Variants in KPNA3 observed in about 807,000 individuals in gnomAD.
The protein encoded by KPNA3 is karyopherin subunit alpha 3, also known as importin subunit alpha-4.
A neutral mutation model predicts 73.8 loss-of-function variants in KPNA3; 13 were observed. The observed-to-expected ratio is 0.18, with a 90% CI of 0.11 to 0.28. KPNA3 has a LOEUF of 0.28. Ranked by LOEUF, KPNA3 falls within the 10% of genes least tolerant of loss-of-function variation. The pLI is 1.00. For missense variants in KPNA3, 360 were observed against 618.1 expected, an observed-to-expected ratio of 0.58 and a Z score of 4.43; for synonymous variants, 186 against 206.9, an observed-to-expected ratio of 0.90 and a Z score of 0.87.
chr13:49,780,310 TC>T (rs1401704428), intron 1 of KPNA3, among the ~76,000 whole-genome samples: 4 of 152,112 alleles, frequency 2.6e-5, no homozygotes. Context: ...AGAATGGCCC[TC>T]AAAGCCCTAA....
chr13:49,779,125 T>C (rs888994315), intron 1 of KPNA3, among the ~76,000 whole-genome samples: 1 of 152,076 alleles, frequency 6.6e-6, no homozygotes, highest in Non-Finnish European at 1.5e-5. Flanking sequence ...TTCAACTGAA[T>C]GACTTCCACA....
At chr13:49,704,417 AAAAAATAAATAAAT>A (rs1392353262) in intron 15 of KPNA3, among the ~76,000 whole-genome samples, 22 of 132,926 alleles carry the variant, frequency 1.7e-4, no homozygotes, top group East Asian at 7.1e-4. Flanking sequence ...TGTCTCAAAA[AAAAAATAAATAAAT>A]AAAAAATAAA....
chr13:49,764,804 C>G (rs1306230794), intron 1 of KPNA3, among the ~76,000 whole-genome samples: 1 of 151,212 alleles, frequency 6.6e-6, no homozygotes, highest in East Asian at 1.9e-4. Flanking sequence ...TTAACTAGTT[C>G]CTGTTCTCTT....
intron 10 of KPNA3, among the ~76,000 whole-genome samples, chr13:49,714,129 C>T (rs1013843096): frequency 6.6e-5 from 10 of 151,974 alleles, no homozygotes; most frequent in Admixed American, 6.6e-4. Context: ...TTTGTCTGAA[C>T]CCATAGAATG....
At chr13:49,731,290 T>C (rs1459971481) in intron 6 of KPNA3, among the ~76,000 whole-genome samples, 1 of 129,214 alleles carries the variant, frequency 7.7e-6, no homozygotes, top group East Asian at 2.8e-4. Flanking sequence ...GATGTTACCA[T>C]GTTGCCCAGG....
intron 7 of KPNA3, among the ~76,000 whole-genome samples, chr13:49,722,922 G>A (rs1052564507): frequency 2.7e-5 from 4 of 149,754 alleles, no homozygotes; most frequent in Non-Finnish European, 4.4e-5. Context: ...TTCCTGATAC[G>A]GGGATTAACC....
chr13:49,742,167 T>G (rs940960211), intron 2 of KPNA3, among the ~76,000 whole-genome samples: 2 of 152,242 alleles, frequency 1.3e-5, no homozygotes, highest in African/African-American at 4.8e-5. Flanking sequence ...CTGTGGCATG[T>G]TCTTGGCACC....
Position 49,762,116 on chromosome 13 carries a change from G to A in KPNA3, c.70-15123C>T, listed in dbSNP as rs189791703. ...CCATCCGGGAGGGAGGTGGGGGGCA[G>A]CCCCCGCCCGGCCAGCCTCCCCGTC... On this transcript the variant is annotated intron_variant, in intron 1 of 16. Transcript: ENST00000261667. Among the ~76,000 whole-genome samples, 20 of 114,978 alleles carry A rather than the reference G, an allele frequency of 1.7e-4. No individual in the cohort carries two copies. In the South Asian group the frequency reaches 5.9e-3, roughly 34 times the overall value. The allele number at this position is 114,978 out of a possible 152,430, so 75.4% of individuals were successfully genotyped here. A position where few individuals can be genotyped will look rare whatever the true frequency, so the allele number is the denominator to read the frequency against.
chr13:49,747,414 G>T (rs1222825497), intron 1 of KPNA3, among the ~76,000 whole-genome samples: 1 of 152,078 alleles, frequency 6.6e-6, no homozygotes, highest in Non-Finnish European at 1.5e-5. Context: ...ATATTGGCTG[G>T]GTGCAGTGGC....
At chr13:49,786,910 G>C (rs1000925048) in intron 1 of KPNA3, among the ~76,000 whole-genome samples, 2 of 152,196 alleles carry the variant, frequency 1.3e-5, no homozygotes, top group Admixed American at 6.5e-5. Flanking sequence ...AGAAGAGCTA[G>C]GTACACTATT....
chr13:49,767,800 A>T (rs536799649), intron 1 of KPNA3, among the ~76,000 whole-genome samples: 18 of 152,224 alleles, frequency 1.2e-4, no homozygotes, highest in Non-Finnish European at 2.5e-4. Context: ...AGTACCTTCC[A>T]TAACAAGTCC....
At chr13:49,719,853 G>C (rs1566337330) in intron 9 of KPNA3, 34 bp from the exon 10 acceptor site, 1 of 1,368,592 alleles carries the variant, frequency 7.3e-7, no homozygotes. Context: ...CTTAACATTA[G>C]TTAATTAATA....
chr13:49,717,629 C>T (rs1406157984), intron 10 of KPNA3, among the ~76,000 whole-genome samples: 2 of 152,040 alleles, frequency 1.3e-5, no homozygotes, highest in African/African-American at 4.8e-5. Context: ...TGACATGAGA[C>T]AAATTACTTA....
intron 1 of KPNA3, among the ~76,000 whole-genome samples, chr13:49,763,048 T>C (rs1954782008): frequency 1.3e-5 from 2 of 152,036 alleles, no homozygotes; most frequent in Admixed American, 1.3e-4. Flanking sequence ...AATTAAGTCC[T>C]GACCCCTGAT....
At position 49,705,640 on chromosome 13, in the gene KPNA3, T is replaced by C. The variant is rs200666130; in HGVS notation, c.1353A>G (p.Glu451=). The change falls in exon 15 of 17, where the codon GAA becomes GAG. Residue 451 remains glutamate, a synonymous_variant. Coordinates refer to ENST00000261667, the MANE Select transcript of KPNA3 (RefSeq NM_002267.4). ...MAGDEASTIA[E]IIEECGGLEK... is the part of the protein sequence containing the mutation. Reference sequence around the variant, plus strand: ...TCTTACCTCCACATTCCTCTATTATTTCAGCTATTGTGCTTGCTTCATCAC... The same window carrying C: ...TCTTACCTCCACATTCCTCTATTATCTCAGCTATTGTGCTTGCTTCATCAC... The C allele has an allele frequency of 6.2e-7, 1 of 1,613,916 alleles. No homozygotes were observed. The highest frequency in any genetic ancestry group is 1.3e-5 in the African/African-American group (1 of 74,924).
At chr13:49,787,739 G>T (rs1387112085) in intron 1 of KPNA3, among the ~76,000 whole-genome samples, 2 of 149,230 alleles carry the variant, frequency 1.3e-5, no homozygotes, top group African/African-American at 5.0e-5. Flanking sequence ...GAGTGCAGTG[G>T]TGCGATCTTG....
intron 1 of KPNA3, among the ~76,000 whole-genome samples, chr13:49,772,212 G>A (rs984528197): frequency 6.6e-6 from 1 of 152,110 alleles, no homozygotes; most frequent in Non-Finnish European, 1.5e-5. Flanking sequence ...GTACAATACT[G>A]AATAGGAAGA....
intron 1 of KPNA3, among the ~76,000 whole-genome samples, chr13:49,788,800 C>A (rs1237389118): frequency 6.7e-6 from 1 of 148,656 alleles, no homozygotes; most frequent in Non-Finnish European, 1.5e-5. Context: ...ATATGTACTT[C>A]CTAGTTTTTG....
At chr13:49,729,267 T>G (rs2137550951) in intron 6 of KPNA3, among the ~76,000 whole-genome samples, 1 of 151,970 alleles carries the variant, frequency 6.6e-6, no homozygotes, top group South Asian at 2.1e-4. Flanking sequence ...AAAAAAACAG[T>G]AAGATCAAAA....
Sources: gnomAD v4.1 joint callset for allele counts (sites outside exome capture counted in the v4.1 genomes callset) on GRCh38, gnomAD v4.1.1 for gene constraint, MANE v1.5 for transcripts, NCBI Gene and HGNC (gene_info 2026-07-23, HGNC 2026-07-21) for gene names.